Variants in KRT72 observed in about 807,000 individuals in gnomAD.
The protein encoded by KRT72 is keratin, type II cytoskeletal 72.
Under a neutral mutation model 44.7 loss-of-function variants are expected in KRT72, and 44 were observed. The ratio of observed to expected loss-of-function variants is 0.98; its 90% CI spans 0.77 to 1.27. The LOEUF is 1.27. Ranked by LOEUF, KRT72 falls within the 50% of genes most tolerant of loss-of-function variation. The probability of loss-of-function intolerance (pLI) is 0.00; values close to 1 mark genes in which losing one functional copy is unlikely to be tolerated. For synonymous variants in KRT72, 302 were observed against 280.4 expected (o/e 1.08, Z -0.77); for missense variants, 736 against 667.1 (o/e 1.10, Z -1.14).
chr12:52,594,691 G>T (rs557524143), intron 2 of KRT72, among the ~76,000 whole-genome samples: 1 of 152,154 alleles, frequency 6.6e-6, no homozygotes, highest in Non-Finnish European at 1.5e-5. Context: ...CACAGCACAT[G>T]TATACATATG....
intron 6 of KRT72, among the ~76,000 whole-genome samples, chr12:52,589,129 A>G (rs1355962758): frequency 6.6e-6 from 1 of 152,116 alleles, no homozygotes; most frequent in Non-Finnish European, 1.5e-5. Context: ...AGTCTGGTAT[A>G]TGTTCCCTCA....
In KRT72 at chr12:52,601,455, C is replaced by A; in HGVS notation, c.-3G>T. On this transcript the variant is annotated 5_prime_UTR_variant, in exon 1 of 9. Coordinates refer to ENST00000293745, the MANE Select transcript of KRT72 (RefSeq NM_080747.3). ...AAATGGGTCAGTTGGCGGCTCATGG[C>A]TCGCAAGTACCGGTGCTGGCCGCGC... 2.0e-6 allele frequency: 3 copies of A among 1,535,152 alleles called. No individual in the cohort carries two copies. The highest frequency in any genetic ancestry group is 1.8e-4 in the Middle Eastern group (1 of 5,684).
intron 2 of KRT72, 122 bp downstream of exon 2, chr12:52,598,776 G>T: frequency 2.5e-6 from 2 of 797,314 alleles, no homozygotes; most frequent in Non-Finnish European, 4.3e-6. Context: ...GTTCCATTCT[G>T]TCTGGATGTT....
At chr12:52,586,703 A>G (rs539468753) in intron 8 of KRT72, among the ~76,000 whole-genome samples, 26 of 152,284 alleles carry the variant, frequency 1.7e-4, no homozygotes, top group African/African-American at 5.8e-4. Flanking sequence ...TTAAGCATCA[A>G]TCGTTGGATG....
chr12:52,589,236 C>A (rs1939901483), intron 6 of KRT72, among the ~76,000 whole-genome samples: 1 of 152,148 alleles, frequency 6.6e-6, no homozygotes, highest in African/African-American at 2.4e-5. Context: ...TGATCCAAGG[C>A]CAAATGGGCT....
In KRT72 at chr12:52,587,666, G is replaced by A. The variant is rs769788780; in HGVS notation, c.1275C>T (p.Ala425=). ...CGCTCTCCAGCAGCTTGCGGTAGGT[G>A]GCGATCTCCATATCCAGGGCCAGCT... ...SLKLALDMEI[A]TYRKLLESEE... Residue 425 remains alanine, a synonymous_variant, in exon 7 of 9, where the codon GCC becomes GCT. Coordinates refer to ENST00000293745, the MANE Select transcript of KRT72 (RefSeq NM_080747.3). 9.9e-6 allele frequency: 16 copies of A among 1,614,206 alleles called. No individual in the cohort carries two copies. In the East Asian group the frequency reaches 2.9e-4, roughly 29 times the overall value.
upstream of KRT72, among the ~76,000 whole-genome samples, chr12:52,602,318 C>T (rs1217626912): frequency 6.6e-6 from 1 of 152,198 alleles, no homozygotes; most frequent in East Asian, 1.9e-4. Flanking sequence ...CAAACCTCTG[C>T]TCAGGTCATT....
chr12:52,595,846 T>A (rs1486111572), intron 2 of KRT72, among the ~76,000 whole-genome samples: 6 of 152,082 alleles, frequency 3.9e-5, no homozygotes, highest in Non-Finnish European at 7.4e-5. Context: ...TATTGAAAAA[T>A]TTTCCAGAAA....
In KRT72 at chr12:52,590,937, C is replaced by A; in HGVS notation, c.988G>T (p.Gly330Cys). 1 of 1,600,114 alleles carries A rather than the reference C, an allele frequency of 6.2e-7. No homozygotes were observed. The highest frequency in any genetic ancestry group is 1.1e-5 in the South Asian group (1 of 88,898). The change falls in exon 6 of 9, where the codon GGC becomes TGC. Residue 330 changes from glycine (G) to cysteine (C), a missense_variant. Transcript: ENST00000293745. ...TKIQELQVTA[G>C]QHGDDLKLTK... Reference sequence around the variant, plus strand: ...AGCTTGAGGTCATCCCCATGCTGGCCTGCTGTGACCTGCAGCTCCTGGATC... The same window carrying A: ...AGCTTGAGGTCATCCCCATGCTGGCATGCTGTGACCTGCAGCTCCTGGATC...
intron 6 of KRT72, 119 bp downstream of exon 6, chr12:52,590,717 C>G: frequency 1.1e-6 from 1 of 946,018 alleles, no homozygotes; most frequent in Non-Finnish European, 1.5e-6. Context: ...ATCATCCTCT[C>G]CTGGTAAATT....
Position 52,586,938 on chromosome 12 carries a change from A to ATACT in KRT72, c.1345+4_1345+7dup. On this transcript the variant is annotated splice_region_variant and intron_variant, in intron 8 of 8. Coordinates refer to ENST00000293745, the MANE Select transcript of KRT72 (RefSeq NM_080747.3). ...CCAAGGGCAGAACTGAGATCTGCAG[A>ATACT]TACTTACAGATGCTCACAGAATTTG... 6.2e-7 allele frequency: 1 copy of ATACT among 1,613,198 alleles called. No individual in the cohort carries two copies. Among genetic ancestry groups the ATACT allele is most frequent in the Non-Finnish European group, 8.5e-7 (1 of 1,179,118 alleles).
rs530280665 is a variant in KRT72 at position 52,601,395 on chromosome 12, A to G, written c.58T>C (p.Ser20Pro). Residue 20 changes from serine (S) to proline (P), a missense_variant, in exon 1 of 9, where the codon TCC (serine) becomes CCC (proline). Transcript: ENST00000293745. ...RGERLGFSGC[S>P]AVLSGGIGSS... is the part of the protein sequence containing the mutation. ...CCGATCCCGCCAGAGAGGACCGCGG[A>G]GCAACCGCTGAAGCCCAGGCGCTCC... The G allele has an allele frequency of 2.9e-5, 45 of 1,541,842 alleles. No homozygotes were observed. In the East Asian group the frequency reaches 1.0e-3, roughly 36 times the overall value.
At position 52,592,531 on chromosome 12, in the gene KRT72, C is replaced by T. The variant is rs370287826; in HGVS notation, c.703-40G>A. The T allele has an allele frequency of 5.4e-4, 793 of 1,472,956 alleles. 3 individuals are homozygous for T. The Middle Eastern group carries it at 0.013, about 24-fold the overall frequency. 91.2% of individuals were successfully genotyped at this position (1,472,956 alleles called of 1,614,324 possible). A position where few individuals can be genotyped will look rare whatever the true frequency, so the allele number is the denominator to read the frequency against. ...TAGTCAAGCCGCCCTGAGAGGGCCT[C>T]CCCTGCCCATCCCTCCCTCCCTGCC... On this transcript the variant is annotated intron_variant, in intron 3 of 8. Coordinates refer to ENST00000293745, the MANE Select transcript of KRT72 (RefSeq NM_080747.3).
Position 52,601,380 on chromosome 12 carries a change from C to T in KRT72, c.73G>A (p.Gly25Ser). 6.5e-7 allele frequency: 1 copy of T among 1,542,856 alleles called. No homozygotes were observed. Among genetic ancestry groups the T allele is most frequent in the Non-Finnish European group, 8.7e-7 (1 of 1,146,988 alleles). The change falls in exon 1 of 9, where the codon GGC (glycine) becomes AGC (serine). Residue 25 changes from glycine (G) to serine (S), a missense_variant. Gly to Ser is a moderately conservative substitution (Grantham distance 56). Transcript: ENST00000293745. ...GAGGCGGAGCTGCTGCCGATCCCGC[C>T]AGAGAGGACCGCGGAGCAACCGCTG... is the stretch of plus-strand genomic sequence containing the variant. ...GFSGCSAVLS[G>S]GIGSSSASFR... is the part of the protein sequence containing the mutation.
At chr12:52,592,791 G>A in intron 3 of KRT72, 101 bp downstream of exon 3, 1 of 997,290 alleles carries the variant, frequency 1.0e-6, no homozygotes, top group Non-Finnish European at 1.6e-6. Flanking sequence ...CCTGCCCAAG[G>A]GACTGAGTGA....
In KRT72 at chr12:52,592,491, C is replaced by A; in HGVS notation, c.703G>T (p.Asp235Tyr). 6.2e-7 allele frequency: 1 copy of A among 1,613,520 alleles called. No individual in the cohort carries two copies. The highest frequency in any genetic ancestry group is 1.1e-5 in the South Asian group (1 of 91,030). The change falls in exon 4 of 9, where the codon GAC becomes TAC. Residue 235 changes from aspartate to tyrosine, a missense_variant and splice_region_variant. Physicochemically the swap from Asp to Tyr is radical, Grantham distance 160. Transcript: ENST00000293745. ...TTATTCATGTAAGCAGCATCCACGTCCTGGGAGCACATGATAGTCAAGCCG... is the reference window on the plus strand; with the variant it reads ...TTATTCATGTAAGCAGCATCCACGTACTGGGAGCACATGATAGTCAAGCCG... ...AENEFVVLKK[D>Y]VDAAYMNKVE...
At position 52,586,034 on chromosome 12, in the gene KRT72, G is replaced by A. The variant is rs552891292; in HGVS notation, c.1484C>T (p.Pro495Leu). The change falls in exon 9 of 9, where the codon CCC (proline) becomes CTC (leucine). Residue 495 changes from proline (P) to leucine (L), a missense_variant. Physicochemically the swap from Pro to Leu is moderately conservative, Grantham distance 98. Coordinates refer to ENST00000293745, the MANE Select transcript of KRT72 (RefSeq NM_080747.3). ...GCTGCTCCCCGAGGTTTTGGCAAGG[G>A]GATCCTTGAGCTCACTGCCACAGCT... ...KGSCGSELKDPLAKTSGSSCA... is the reference protein window; with the variant it reads ...KGSCGSELKDLLAKTSGSSCA... The A allele has an allele frequency of 6.2e-7, 1 of 1,614,090 alleles. No individual in the cohort carries two copies. The highest frequency in any genetic ancestry group is 2.2e-5 in the East Asian group (1 of 44,870).
chr12:52,586,238 G>A, intron 8 of KRT72, 66 bp from the exon 9 acceptor site: 1 of 1,377,882 alleles, frequency 7.3e-7, no homozygotes, highest in Non-Finnish European at 1.0e-6. Flanking sequence ...CCCCTTCTTG[G>A]GCATCTCGGG....
chr12:52,587,470 T>C (rs1939812817), intron 7 of KRT72, among the ~76,000 whole-genome samples, 161 bp downstream of exon 7: 1 of 152,174 alleles, frequency 6.6e-6, no homozygotes, highest in South Asian at 2.1e-4. Flanking sequence ...AACTTGGTCT[T>C]TCTTGCTGTC....
Sources: allele counts gnomAD v4.1 joint callset (sites outside exome capture counted in the v4.1 genomes callset), GRCh38; gene constraint gnomAD v4.1.1; transcripts MANE v1.5; gene names NCBI Gene and HGNC (gene_info 2026-07-23, HGNC 2026-07-21).